CACNA1H: variants seen among roughly 807,000 people sequenced by gnomAD.
The protein encoded by CACNA1H is voltage-dependent T-type calcium channel subunit alpha-1H.
Under a neutral mutation model 192.5 loss-of-function variants are expected in CACNA1H, and 149 were observed. The observed-to-expected ratio is 0.77, with a 90% CI of 0.68 to 0.89. The LOEUF is 0.89. CACNA1H is among the 40% of genes least tolerant of loss of function. The pLI, the probability that CACNA1H is intolerant of heterozygous loss-of-function variation, is 0.00. For synonymous variants in CACNA1H, 2,202 were observed against 1,475.2 expected, an observed-to-expected ratio of 1.49 and a Z score of -11.29; for missense variants, 4,257 against 3,423.5, an observed-to-expected ratio of 1.24 and a Z score of -6.08.
In CACNA1H at chr16:1,189,504, C is replaced by T. The variant is rs537649279; in HGVS notation, c.300-5468C>T. Among the ~76,000 whole-genome samples the T allele has an allele frequency of 2.0e-5, 3 of 148,768 alleles. No individual in the cohort carries two copies. The East Asian group carries it at 6.0e-4, about 30-fold the overall frequency. ...CGATCGTGGCTCACTGTAGCTTCCA[C>T]CTCCTGGGGTCAAGCGATCCTCCCA... On this transcript the variant is annotated intron_variant, in intron 2 of 34. Coordinates refer to ENST00000348261, the MANE Select transcript of CACNA1H (RefSeq NM_021098.3).
intron 2 of CACNA1H, among the ~76,000 whole-genome samples, chr16:1,183,409 C>A (rs1003738828): frequency 6.6e-6 from 1 of 152,202 alleles, no homozygotes; most frequent in African/African-American, 2.4e-5. Flanking sequence ...CCTCCTGGCC[C>A]CTCCCCCCAG....
At chr16:1,194,336 G>A (rs1966842002) in intron 2 of CACNA1H, among the ~76,000 whole-genome samples, 1 of 152,188 alleles carries the variant, frequency 6.6e-6, no homozygotes, top group Non-Finnish European at 1.5e-5. Flanking sequence ...TCTACCTTAA[G>A]GAAGGTCCCT....
Position 1,219,143 on chromosome 16 carries a change from G to A in CACNA1H, c.6048+13G>A, listed in dbSNP as rs3751888. 33,894 of 1,518,266 alleles carry A rather than the reference G, an allele frequency of 0.022. 544 individuals carry two copies. The highest frequency in any genetic ancestry group is 0.082 in the East Asian group (3,300 of 40,152). 94.0% of individuals were successfully genotyped at this position (1,518,266 alleles called of 1,614,324 possible). A position where few individuals can be genotyped will look rare whatever the true frequency, so the allele number is the denominator to read the frequency against. Reference sequence around the variant, plus strand: ...GCTCTGCAGACAGGTAGGAGAAGCCGTTGGCCTGCAGCAGAGGCTGGCGGG... The same window carrying A: ...GCTCTGCAGACAGGTAGGAGAAGCCATTGGCCTGCAGCAGAGGCTGGCGGG... On this transcript the variant is annotated intron_variant, in intron 34 of 34. Coordinates refer to ENST00000348261, the MANE Select transcript of CACNA1H (RefSeq NM_021098.3).
chr16:1,160,869 G>A (rs983424345), intron 2 of CACNA1H, among the ~76,000 whole-genome samples: 4 of 152,086 alleles, frequency 2.6e-5, no homozygotes, highest in Admixed American at 6.5e-5. Flanking sequence ...AACCCGGGAC[G>A]CCAGAGCACC....
At chr16:1,155,504 G>A (rs1242194796) in intron 2 of CACNA1H, among the ~76,000 whole-genome samples, 4 of 152,206 alleles carry the variant, frequency 2.6e-5, no homozygotes, top group Admixed American at 2.6e-4. Context: ...GTCTGGAAGG[G>A]ACTGCATGGG....
intron 27 of CACNA1H, 86 bp downstream of exon 27, chr16:1,214,017 C>T (rs1025151178): frequency 1.3e-5 from 16 of 1,187,998 alleles, no homozygotes; most frequent in African/African-American, 6.0e-5. Flanking sequence ...CCTGGACCGG[C>T]GCTCCGCTGA....
intron 14 of CACNA1H, 52 bp downstream of exon 14, chr16:1,207,482 C>G: frequency 3.2e-6 from 5 of 1,575,484 alleles, no homozygotes; most frequent in South Asian, 2.3e-5. Flanking sequence ...AGAAGAGAGA[C>G]GGGCTTCAGG....
At chr16:1,155,747 G>T (rs1962275505) in intron 2 of CACNA1H, among the ~76,000 whole-genome samples, 1 of 152,182 alleles carries the variant, frequency 6.6e-6, no homozygotes, top group South Asian at 2.1e-4. Flanking sequence ...TGGGCTGGCT[G>T]TGTGTCTCAG....
At chr16:1,154,440 C>T (rs987908376) in intron 2 of CACNA1H, among the ~76,000 whole-genome samples, 1 of 152,118 alleles carries the variant, frequency 6.6e-6, no homozygotes, top group African/African-American at 2.4e-5. Context: ...CGAGGCAGGC[C>T]CCTCGCGGGG....
At chr16:1,158,621 A>G (rs963492040) in intron 2 of CACNA1H, among the ~76,000 whole-genome samples, 7 of 152,308 alleles carry the variant, frequency 4.6e-5, no homozygotes, top group Admixed American at 2.0e-4. Context: ...CTCGGGACTC[A>G]GGCCCCGCTG....
At chr16:1,164,839 T>TG (rs1165566276) in intron 2 of CACNA1H, among the ~76,000 whole-genome samples, 1 of 152,114 alleles carries the variant, frequency 6.6e-6, no homozygotes, top group East Asian at 1.9e-4. Flanking sequence ...TCCACAGCCC[T>TG]GGGGTCTGGA....
chr16:1,169,936 T>G (rs1344895279), intron 2 of CACNA1H, among the ~76,000 whole-genome samples: 1 of 152,242 alleles, frequency 6.6e-6, no homozygotes, highest in African/African-American at 2.4e-5. Flanking sequence ...GGTGTTTTTC[T>G]GAGCGTTTGA....
intron 31 of CACNA1H, 105 bp downstream of exon 31, chr16:1,217,115 C>T (rs1970091989): frequency 1.0e-6 from 1 of 981,832 alleles, no homozygotes; most frequent in Non-Finnish European, 1.5e-6. Context: ...AGCGTGGGGC[C>T]TGATCAGGGC....
At chr16:1,194,596 C>T (rs958196258) in intron 2 of CACNA1H, among the ~76,000 whole-genome samples, 1 of 152,216 alleles carries the variant, frequency 6.6e-6, no homozygotes, top group African/African-American at 2.4e-5. Flanking sequence ...AGCGCGGGAG[C>T]CCTATGCAAC....
Position 1,153,395 on chromosome 16 carries a change from G to T in CACNA1H, c.-94G>T. 2 of 142,032 alleles carry T rather than the reference G, an allele frequency of 1.4e-5. No homozygotes were observed. The highest frequency in any genetic ancestry group is 1.9e-4 in the South Asian group (1 of 5,390). The allele number at this position is 142,032 out of a possible 1,614,324, so 8.8% of individuals were successfully genotyped here. On this transcript the variant is annotated 5_prime_UTR_variant, in exon 1 of 35. Transcript: ENST00000348261. Reference sequence around the variant, plus strand: ...GGCGCTGGGGGCCGGGGCCGGGGCCGGGCGCCGAGCGGGGTCCGCGGTGAC... The same window carrying T: ...GGCGCTGGGGGCCGGGGCCGGGGCCTGGCGCCGAGCGGGGTCCGCGGTGAC...
At chr16:1,200,653 C>T in intron 7 of CACNA1H, 63 bp from the exon 8 acceptor site, 2 of 1,584,312 alleles carry the variant, frequency 1.3e-6, no homozygotes, top group Non-Finnish European at 8.6e-7. Context: ...AGCCCAGACC[C>T]CAGGGGCACG....
At chr16:1,212,764 G>A (rs1280635512) in intron 26 of CACNA1H, among the ~76,000 whole-genome samples, 1 of 152,222 alleles carries the variant, frequency 6.6e-6, no homozygotes, top group East Asian at 1.9e-4. Flanking sequence ...CGTGCGCCGG[G>A]ACACCCAGAG....
chr16:1,162,162 G>C (rs760872056), intron 2 of CACNA1H, among the ~76,000 whole-genome samples: 3 of 152,070 alleles, frequency 2.0e-5, no homozygotes, highest in Non-Finnish European at 4.4e-5. Flanking sequence ...GCAGGACATG[G>C]GATCCTGTCA....
intron 2 of CACNA1H, among the ~76,000 whole-genome samples, chr16:1,165,825 C>T (rs1963709127): frequency 6.6e-6 from 1 of 152,228 alleles, no homozygotes; most frequent in African/African-American, 2.4e-5. Context: ...TCCTTTCTCC[C>T]CAGGAGGTTT....
Sources: allele counts gnomAD v4.1 joint callset (sites outside exome capture counted in the v4.1 genomes callset), GRCh38; gene constraint gnomAD v4.1.1; transcripts MANE v1.5; gene names NCBI Gene and HGNC (gene_info 2026-07-23, HGNC 2026-07-21).